TAF3: variants seen among roughly 807,000 people sequenced by gnomAD.
The protein encoded by TAF3 is transcription initiation factor TFIID subunit 3.
TAF3 carries 7 observed loss-of-function variants against 80.6 expected under a neutral mutation model. The observed-to-expected ratio is 0.09, with a 90% CI of 0.05 to 0.16. The LOEUF (loss-of-function observed/expected upper bound fraction) is 0.16. TAF3 is among the 10% of genes least tolerant of loss of function. The pLI is 1.00. For synonymous variants in TAF3, 444 were observed against 446.1 expected, an observed-to-expected ratio of 1.00 and a Z score of 0.06; for missense variants, 921 against 1,140.2, an observed-to-expected ratio of 0.81 and a Z score of 2.77.
chr10:7,902,203 C>T (rs764744676), intron 2 of TAF3, among the ~76,000 whole-genome samples: 1 of 152,136 alleles, frequency 6.6e-6, no homozygotes, highest in African/African-American at 2.4e-5. Flanking sequence ...GCAGGCGAAT[C>T]ACTTGAGGTC....
At chr10:7,945,168 T>A (rs545851091) in intron 2 of TAF3, among the ~76,000 whole-genome samples, 1 of 152,326 alleles carries the variant, frequency 6.6e-6, no homozygotes, top group Non-Finnish European at 1.5e-5. Flanking sequence ...ACCCGTGGCA[T>A]TAGAGGACTG....
At chr10:7,827,790 A>AC (rs1836757964) in intron 2 of TAF3, among the ~76,000 whole-genome samples, 1 of 151,488 alleles carries the variant, frequency 6.6e-6, no homozygotes. Flanking sequence ...AAAAAAAAAA[A>AC]AAAAAACAAA....
chr10:7,870,370 A>G (rs759602301), intron 2 of TAF3, among the ~76,000 whole-genome samples: 43 of 152,160 alleles, frequency 2.8e-4, no homozygotes, highest in Non-Finnish European at 5.4e-4. Flanking sequence ...TGTTCTCTCC[A>G]TTTTTACTTA....
intron 2 of TAF3, among the ~76,000 whole-genome samples, chr10:7,884,845 A>G (rs1837393954): frequency 6.6e-6 from 1 of 152,164 alleles, no homozygotes; most frequent in African/African-American, 2.4e-5. Flanking sequence ...TAATATTTCC[A>G]TATGTATTAA....
Position 7,964,976 on chromosome 10 carries a change from T to G in TAF3, c.1466T>G (p.Phe489Cys). Residue 489 changes from phenylalanine to cysteine, a missense_variant, in exon 3 of 7, where the codon TTT (phenylalanine) becomes TGT (cysteine). This residue lies in a region of TAF3 where 743 missense variants were observed against 821.0 expected (regional missense o/e 0.90). Transcript: ENST00000344293. This position sits in a 1 kb window ranked among gnomAD's most constrained non-coding sequence, Gnocchi z 4.1. Reference sequence around the variant, plus strand: ...ACACCTTCAAATATGCCCCCCAACTTTCCTTATATCTCTTCTCCGTCAGTG... The same window carrying G: ...ACACCTTCAAATATGCCCCCCAACTGTCCTTATATCTCTTCTCCGTCAGTG... The part of the protein sequence containing the change: ...LGTPSNMPPN[F>C]PYISSPSVSP... 2 of 1,614,072 alleles carry G rather than the reference T, an allele frequency of 1.2e-6. No individual in the cohort carries two copies. Among genetic ancestry groups the G allele is most frequent in the East Asian group, 2.2e-5 (1 of 44,872 alleles).
intron 2 of TAF3, among the ~76,000 whole-genome samples, chr10:7,875,211 T>C (rs1040882112): frequency 1.6e-4 from 24 of 152,192 alleles, no homozygotes; most frequent in African/African-American, 4.8e-4. Context: ...ATTTTTTTTC[T>C]GTCTCCATAC....
intron 4 of TAF3, among the ~76,000 whole-genome samples, chr10:8,006,372 A>C (rs1407000970): frequency 6.6e-6 from 1 of 151,958 alleles, no homozygotes; most frequent in Non-Finnish European, 1.5e-5. Flanking sequence ...GTGAAACTCC[A>C]TCTCAAAAAA....
chr10:7,951,427 G>C (rs1376477813), intron 2 of TAF3, among the ~76,000 whole-genome samples: 1 of 152,174 alleles, frequency 6.6e-6, no homozygotes, highest in Non-Finnish European at 1.5e-5. Flanking sequence ...CTGGGGCTCT[G>C]GGCCACACAC....
At chr10:7,991,532 T>C (rs1788448751) in intron 4 of TAF3, among the ~76,000 whole-genome samples, 1 of 152,118 alleles carries the variant, frequency 6.6e-6, no homozygotes, top group African/African-American at 2.4e-5. Flanking sequence ...AGAGATATAA[T>C]ATTAAACAGG....
chr10:7,928,513 A>T (rs1350656533), intron 2 of TAF3, among the ~76,000 whole-genome samples: 1 of 152,204 alleles, frequency 6.6e-6, no homozygotes, highest in African/African-American at 2.4e-5. Flanking sequence ...AGAGTATTTC[A>T]AACATATTTT....
intron 2 of TAF3, among the ~76,000 whole-genome samples, chr10:7,939,310 A>G (rs1837954378): frequency 6.6e-6 from 1 of 152,138 alleles, no homozygotes; most frequent in South Asian, 2.1e-4. Context: ...CCTTTTCTCC[A>G]TCAGACTCCT....
chr10:7,827,123 G>A (rs529893029), intron 2 of TAF3, among the ~76,000 whole-genome samples: 12 of 152,266 alleles, frequency 7.9e-5, no homozygotes, highest in African/African-American at 2.6e-4. Flanking sequence ...TGGAGCTGGC[G>A]AGTGTGCACA....
rs548920697 is a variant in TAF3, at chr10:7,965,391, GAAAGAT to G, written c.1890_1895del (p.Asp631_Lys632del). On this transcript the variant is annotated inframe_deletion, in exon 3 of 7. Coordinates refer to ENST00000344293, the MANE Select transcript of TAF3 (RefSeq NM_031923.4). ...AGAAGAAAGATAGAGAGAAAGGCAA[GAAAGAT>G]AAAGATAAGAGAGAGAAAGAAAAAG... The G allele has an allele frequency of 7.9e-5, 128 of 1,610,342 alleles. 1 individual carries two copies. In the South Asian group the frequency reaches 1.2e-3, roughly 15 times the overall value.
chr10:7,975,070 CAAAA>C (rs35755700), intron 3 of TAF3: 319 of 175,600 alleles, frequency 1.8e-3, no homozygotes, highest in South Asian at 4.4e-3. Context: ...GACTCTGTCT[CAAAA>C]AAAAAAAAAA....
At chr10:7,918,947 G>T (rs1837738165) in intron 2 of TAF3, among the ~76,000 whole-genome samples, 1 of 152,194 alleles carries the variant, frequency 6.6e-6, no homozygotes, top group African/African-American at 2.4e-5. Context: ...ACAGCTTGCT[G>T]CGTGGTATAC....
chr10:7,859,810 T>C (rs1837125933), intron 2 of TAF3, among the ~76,000 whole-genome samples: 1 of 152,212 alleles, frequency 6.6e-6, no homozygotes. Context: ...CTTATAATGG[T>C]GTACAGTGCC....
At chr10:7,977,693 G>T (rs1831687300) in intron 4 of TAF3, among the ~76,000 whole-genome samples, 1 of 152,200 alleles carries the variant, frequency 6.6e-6, no homozygotes, top group Non-Finnish European at 1.5e-5. Context: ...CAAGTACATA[G>T]TATCTGTCAC....
chr10:7,977,039 A>C (rs1353158043), intron 3 of TAF3, among the ~76,000 whole-genome samples: 1 of 152,252 alleles, frequency 6.6e-6, no homozygotes, highest in African/African-American at 2.4e-5. Context: ...ATATAGCATG[A>C]TTAAAGTTTG....
rs566054105 is a variant in TAF3, at chr10:7,994,824, A to C, written c.2316-14254A>C. 3.9e-3 allele frequency among the ~76,000 whole-genome samples: 597 copies of C among 151,398 alleles called. 6 individuals carry two copies. Among genetic ancestry groups the C allele is most frequent in the African/African-American group, 0.014 (565 of 41,328 alleles). On this transcript the variant is annotated intron_variant, in intron 4 of 6. Transcript: ENST00000344293. ...CTAAAAATACCAAAAAAAAAAAAAAAAATAGCTGGGTGTGGTGGCGCATGC... is the reference window on the plus strand; with the variant it reads ...CTAAAAATACCAAAAAAAAAAAAAACAATAGCTGGGTGTGGTGGCGCATGC...
Sources: allele counts gnomAD v4.1 joint callset (sites outside exome capture counted in the v4.1 genomes callset), GRCh38; gene constraint gnomAD v4.1.1; regional missense constraint gnomAD v4.1.1; non-coding constraint Gnocchi (gnomAD v3.1); transcripts MANE v1.5; gene names NCBI Gene and HGNC (gene_info 2026-07-23, HGNC 2026-07-21).